Variants in TAMM41 observed in about 807,000 individuals in gnomAD.
TAMM41 encodes the protein TAM41 mitochondrial translocator assembly and maintenance homolog, also known as phosphatidate cytidylyltransferase, mitochondrial.
TAMM41 carries 36 observed loss-of-function variants against 44.1 expected under a neutral mutation model. That is an observed-to-expected ratio of 0.82 (90% CI 0.63 to 1.08). The LOEUF (loss-of-function observed/expected upper bound fraction) is 1.08. TAMM41 is among the 50% of genes least tolerant of loss of function. The pLI, the probability that TAMM41 is intolerant of heterozygous loss-of-function variation, is 0.00. For missense variants in TAMM41, 417 were observed against 404.3 expected (o/e 1.03, Z -0.27); for synonymous variants, 164 against 153.1 (o/e 1.07, Z -0.53).
chr3:11,753,523 G>A, the TAMM41 span, among the ~76,000 whole-genome samples: 25 of 151,582 alleles, frequency 1.6e-4, no homozygotes, highest in African/African-American at 6.1e-4. Flanking sequence ...AGGAGATTGA[G>A]ACCATCCTGG....
chr3:11,790,731 T>C (rs556755002), intron 7 of TAMM41, 150 bp from the exon 8 acceptor site: 122 of 665,700 alleles, frequency 1.8e-4, no homozygotes, highest in Non-Finnish European at 3.0e-4. Flanking sequence ...TGAAGGTGAT[T>C]AAAGGTCACT....
At chr3:11,812,564 C>T (rs2078122581) in intron 5 of TAMM41, among the ~76,000 whole-genome samples, 2 of 152,142 alleles carry the variant, frequency 1.3e-5, no homozygotes, top group Non-Finnish European at 2.9e-5. Flanking sequence ...ATCTGTGGGT[C>T]TAGAGGTCCC....
chr3:11,801,214 C>A (rs890159036), intron 7 of TAMM41, among the ~76,000 whole-genome samples: 20 of 151,800 alleles, frequency 1.3e-4, no homozygotes, highest in African/African-American at 4.8e-4. Context: ...TCTTCTCAGA[C>A]AATAGTAGAA....
the TAMM41 span, among the ~76,000 whole-genome samples, chr3:11,728,591 T>C: frequency 6.6e-6 from 1 of 152,222 alleles, no homozygotes; most frequent in East Asian, 1.9e-4. Flanking sequence ...GTGACCCAAC[T>C]GGATGGGGTC....
In TAMM41 at chr3:11,829,747, G is replaced by A. The variant is rs1391991705; in HGVS notation, c.529C>T (p.Leu177Phe). ...MLPESFSEED[L>F]FIEIAGLSYS... Reference sequence around the variant, plus strand: ...GAGAGACCGGCAATCTCTATGAAGAGGTCTTCTTCAGAAAAGCTTTCGGGG... The same window carrying A: ...GAGAGACCGGCAATCTCTATGAAGAAGTCTTCTTCAGAAAAGCTTTCGGGG... The change falls in exon 4 of 8, where the codon CTC becomes TTC. Residue 177 changes from leucine (L) to phenylalanine (F), a missense_variant. Transcript: ENST00000455809. 1 of 1,614,172 alleles carries A rather than the reference G, an allele frequency of 6.2e-7. No homozygotes were observed. The highest frequency in any genetic ancestry group is 8.5e-7 in the Non-Finnish European group (1 of 1,180,018).
At chr3:11,723,105 A>G in the TAMM41 span, among the ~76,000 whole-genome samples, 7 of 151,868 alleles carry the variant, frequency 4.6e-5, no homozygotes, top group East Asian at 1.2e-3. Flanking sequence ...CCTAGGCGAC[A>G]GAGCTGAGTC....
chr3:11,805,470 C>G (rs909097335), intron 7 of TAMM41, among the ~76,000 whole-genome samples: 6 of 152,098 alleles, frequency 3.9e-5, no homozygotes, highest in African/African-American at 1.4e-4. Context: ...CAGGGTCTTG[C>G]TGTGTTGCCC....
Position 11,817,311 on chromosome 3 carries a change from C to T in TAMM41, c.589G>A (p.Asp197Asn), listed in dbSNP as rs565305753. The T allele has an allele frequency of 1.2e-5, 19 of 1,610,186 alleles. No individual in the cohort carries two copies. In the South Asian group the frequency reaches 1.9e-4, roughly 16 times the overall value. ...SGDFRMVVGE[D>N]KTKVLNIVKP... ...ACAATATTCAACACTTTTGTTTTATCTTCTCCAACCACCATCCGAAAGTCA... is the reference window on the plus strand; with the variant it reads ...ACAATATTCAACACTTTTGTTTTATTTTCTCCAACCACCATCCGAAAGTCA... The change falls in exon 5 of 8, where the codon GAT becomes AAT. Residue 197 changes from aspartate to asparagine, a missense_variant. Asp to Asn is a conservative substitution (Grantham distance 23). Transcript: ENST00000455809.
At chr3:11,747,311 C>T in the TAMM41 span, among the ~76,000 whole-genome samples, 1 of 152,268 alleles carries the variant, frequency 6.6e-6, no homozygotes, top group South Asian at 2.1e-4. Flanking sequence ...GTCCACCCAC[C>T]TTGGCCTCCC....
At chr3:11,801,875 G>T (rs995528045) in intron 7 of TAMM41, among the ~76,000 whole-genome samples, 11 of 150,626 alleles carry the variant, frequency 7.3e-5, no homozygotes, top group African/African-American at 2.7e-4. Context: ...ACAAAGATCA[G>T]AGCAGAACTA....
the TAMM41 span, among the ~76,000 whole-genome samples, chr3:11,777,889 C>T: frequency 6.6e-6 from 1 of 152,120 alleles, no homozygotes; most frequent in East Asian, 1.9e-4. Context: ...AAAAAGAAAA[C>T]TTCCCAATTC....
chr3:11,766,008 A>C, the TAMM41 span, among the ~76,000 whole-genome samples: 3 of 152,106 alleles, frequency 2.0e-5, no homozygotes, highest in Admixed American at 6.6e-5. Context: ...GCCTGGAGTC[A>C]ATAAAGATTT....
the TAMM41 span, among the ~76,000 whole-genome samples, chr3:11,746,714 TCAC>T: frequency 6.6e-6 from 1 of 152,110 alleles, no homozygotes; most frequent in Non-Finnish European, 1.5e-5. Context: ...AGTGGTACAA[TCAC>T]AGCTCACTGC....
At chr3:11,834,169 G>A (rs1228092450) in intron 3 of TAMM41, among the ~76,000 whole-genome samples, 4 of 152,054 alleles carry the variant, frequency 2.6e-5, no homozygotes, top group African/African-American at 7.2e-5. Context: ...GGTTGAGCCC[G>A]GGAGGTCGAG....
the TAMM41 span, among the ~76,000 whole-genome samples, chr3:11,726,800 C>CAAAAAAAAA: frequency 2.1e-5 from 2 of 93,080 alleles, no homozygotes; most frequent in African/African-American, 7.0e-5. Context: ...GACTCTGTCT[C>CAAAAAAAAA]AAAAAAAAAA....
chr3:11,808,788 C>T (rs1452486764), intron 6 of TAMM41: 6 of 208,036 alleles, frequency 2.9e-5, no homozygotes, highest in Non-Finnish European at 5.0e-5. Context: ...TGTAGTGGTG[C>T]GATCCTAGCT....
In TAMM41 at chr3:11,844,010, A is replaced by C; in HGVS notation, c.318+19T>G. The C allele has an allele frequency of 6.2e-7, 1 of 1,608,806 alleles. No individual in the cohort carries two copies. The highest frequency in any genetic ancestry group is 1.7e-5 in the Admixed American group (1 of 59,610). On this transcript the variant is annotated intron_variant, in intron 2 of 7. Coordinates refer to ENST00000455809, the MANE Select transcript of TAMM41 (RefSeq NM_001284401.2). ...GTAAATAACCAGCCAAGTTAAGACA[A>C]AGGCCAGCAGTCACTTACCCTACCA...
At chr3:11,820,521 C>A (rs2078472706) in intron 4 of TAMM41, among the ~76,000 whole-genome samples, 2 of 152,178 alleles carry the variant, frequency 1.3e-5, no homozygotes, top group South Asian at 4.1e-4. Flanking sequence ...ATCCTTAGCT[C>A]CTTGTGCACT....
At chr3:11,791,906 T>C (rs2077487070) in intron 7 of TAMM41, among the ~76,000 whole-genome samples, 1 of 152,184 alleles carries the variant, frequency 6.6e-6, no homozygotes, top group South Asian at 2.1e-4. Flanking sequence ...GCAACCACTC[T>C]GGTAAACCCC....
Sources: allele counts gnomAD v4.1 joint callset (sites outside exome capture counted in the v4.1 genomes callset), GRCh38; gene constraint gnomAD v4.1.1; transcripts MANE v1.5; gene names NCBI Gene and HGNC (gene_info 2026-07-23, HGNC 2026-07-21).